The following DCDC2C variants were observed in gnomAD, a reference collection of about 807,000 sequenced individuals.
DCDC2C encodes doublecortin domain-containing protein 2C.
In DCDC2C, 44 loss-of-function variants were observed where a neutral mutation model predicts 45.0. That is an observed-to-expected ratio of 0.98 (90% CI 0.77 to 1.26). The LOEUF (loss-of-function observed/expected upper bound fraction) is 1.26, where lower values mean the gene tolerates loss of function less well. DCDC2C is among the 50% of genes most tolerant of loss of function. The probability of loss-of-function intolerance (pLI) is 0.00; values close to 1 mark genes in which losing one functional copy is unlikely to be tolerated. For missense variants in DCDC2C, 447 were observed against 468.9 expected, an observed-to-expected ratio of 0.95 and a Z score of 0.43; for synonymous variants, 187 against 178.8, an observed-to-expected ratio of 1.05 and a Z score of -0.37.
chr2:3,841,030 C>T lies in DCDC2C; in HGVS notation c.1066-6124C>T, dbSNP rs568226014. ...CTGACAAATGAAGATTTTGGCGTACCGTACGGTGGCACAATCTCTCAGTCA... is the reference window on the plus strand; with the variant it reads ...CTGACAAATGAAGATTTTGGCGTACTGTACGGTGGCACAATCTCTCAGTCA... On this transcript the variant is annotated intron_variant, in intron 10 of 10. Coordinates refer to ENST00000399143, the MANE Select transcript of DCDC2C (RefSeq NM_001287444.2). Among the ~76,000 whole-genome samples, 9 of 152,298 alleles carry T rather than the reference C, an allele frequency of 5.9e-5. No homozygotes were observed. In the South Asian group the frequency reaches 1.0e-3, roughly 18 times the overall value.
In DCDC2C at chr2:3,703,979, C is replaced by G. The variant is rs944388330; in HGVS notation, c.228C>G (p.Asp76Glu). The change falls in exon 1 of 11, where the codon GAC (aspartate) becomes GAG (glutamate). Residue 76 changes from aspartate (D) to glutamate (E), a missense_variant. Asp to Glu is a conservative substitution (Grantham distance 45). Transcript: ENST00000399143. The surrounding 1 kb of genome is among the most constrained non-coding windows in gnomAD (Gnocchi z 4.4). ...GTGGGCACCGGGTGCTGGGGCTGGACGCGCTGCAGGCGGGCGGCAAGTACG... is the reference window on the plus strand; with the variant it reads ...GTGGGCACCGGGTGCTGGGGCTGGAGGCGCTGCAGGCGGGCGGCAAGTACG... Reference protein sequence around the residue: ...PTRGHRVLGLDALQAGGKYVA... With the variant: ...PTRGHRVLGLEALQAGGKYVA... 1 of 1,301,898 alleles carries G rather than the reference C, an allele frequency of 7.7e-7. No individual in the cohort carries two copies. Among genetic ancestry groups the G allele is most frequent in the Middle Eastern group, 2.9e-4 (1 of 3,420 alleles). The allele number at this position is 1,301,898 out of a possible 1,614,324, so 80.6% of individuals were successfully genotyped here.
intron 10 of DCDC2C, among the ~76,000 whole-genome samples, chr2:3,835,148 C>T (rs1473315855): frequency 6.6e-6 from 1 of 152,176 alleles, no homozygotes; most frequent in Non-Finnish European, 1.5e-5. Flanking sequence ...TCTGTGACAC[C>T]AGCCACTCTA....
chr2:3,736,052 C>T (rs1021954901), intron 3 of DCDC2C, among the ~76,000 whole-genome samples: 10 of 152,120 alleles, frequency 6.6e-5, no homozygotes, highest in African/African-American at 2.4e-4. Context: ...AGTTTCTTAT[C>T]CACAAAGGTG....
intron 3 of DCDC2C, among the ~76,000 whole-genome samples, chr2:3,728,444 C>G (rs181462325): frequency 6.6e-6 from 1 of 152,224 alleles, no homozygotes; most frequent in South Asian, 2.1e-4. Context: ...CCTCAGGGAA[C>G]GTCGTTGGTT....
At chr2:3,705,291 C>G (rs1318708928) in intron 1 of DCDC2C, among the ~76,000 whole-genome samples, 5 of 152,194 alleles carry the variant, frequency 3.3e-5, no homozygotes, top group Admixed American at 1.3e-4. Flanking sequence ...GAGGTAGAAT[C>G]TGGATTAGCA....
chr2:3,705,839 C>CT (rs952551861), intron 1 of DCDC2C, among the ~76,000 whole-genome samples: 30 of 152,084 alleles, frequency 2.0e-4, no homozygotes, highest in African/African-American at 7.2e-4. Context: ...GTTTATTTTA[C>CT]TTTTTGGGAG....
At chr2:3,754,324 G>A (rs1433650212) in intron 5 of DCDC2C, among the ~76,000 whole-genome samples, 3 of 152,224 alleles carry the variant, frequency 2.0e-5, no homozygotes, top group Non-Finnish European at 2.9e-5. Context: ...GCCTGCACTT[G>A]CAAAGGCAGC....
At chr2:3,738,751 T>A (rs532030571) in intron 3 of DCDC2C, among the ~76,000 whole-genome samples, 13 of 152,266 alleles carry the variant, frequency 8.5e-5, no homozygotes, top group South Asian at 2.1e-4. Flanking sequence ...TTGTATATGG[T>A]TTTTTATCAG....
intron 6 of DCDC2C, among the ~76,000 whole-genome samples, chr2:3,765,084 C>G (rs1230920244): frequency 6.6e-6 from 1 of 152,134 alleles, no homozygotes; most frequent in Non-Finnish European, 1.5e-5. Flanking sequence ...ATGTAAGAAA[C>G]CTCCCAAATA....
chr2:3,762,604 G>T (rs981214763), intron 6 of DCDC2C, among the ~76,000 whole-genome samples: 16 of 152,068 alleles, frequency 1.1e-4, no homozygotes, highest in African/African-American at 3.4e-4. Flanking sequence ...GGGGAGCAGG[G>T]GAGGTACCAC....
At chr2:3,806,020 G>A (rs1378161908) in intron 10 of DCDC2C, among the ~76,000 whole-genome samples, 2 of 151,696 alleles carry the variant, frequency 1.3e-5, no homozygotes, top group African/African-American at 2.4e-5. Flanking sequence ...TTGTTTTGTA[G>A]GGATTAGGTC....
At chr2:3,752,481 A>T in intron 4 of DCDC2C, 1 of 422,906 alleles carries the variant, frequency 2.4e-6, no homozygotes, top group Non-Finnish European at 4.4e-6. Context: ...TTAATTGAAC[A>T]CTAACCAAGA....
intron 10 of DCDC2C, among the ~76,000 whole-genome samples, chr2:3,785,508 T>G (rs1448515123): frequency 2.6e-5 from 4 of 152,046 alleles, no homozygotes; most frequent in African/African-American, 4.8e-5. Flanking sequence ...ACGCCAGCCA[T>G]GAAGCTAAGG....
At chr2:3,728,112 C>T (rs542990069) in intron 3 of DCDC2C, among the ~76,000 whole-genome samples, 38 of 152,224 alleles carry the variant, frequency 2.5e-4, no homozygotes, top group African/African-American at 9.1e-4. Flanking sequence ...TCACCTCTAC[C>T]ACGTCCCCTC....
intron 3 of DCDC2C, among the ~76,000 whole-genome samples, chr2:3,741,180 T>G (rs1669195020): frequency 6.6e-6 from 1 of 152,186 alleles, no homozygotes; most frequent in Non-Finnish European, 1.5e-5. Flanking sequence ...AAGATTATAT[T>G]GAAGTTGCCT....
At chr2:3,766,310 G>GCATACACACACACACA (rs775538945) in intron 6 of DCDC2C, among the ~76,000 whole-genome samples, 4 of 146,070 alleles carry the variant, frequency 2.7e-5, no homozygotes, top group African/African-American at 1.0e-4. Flanking sequence ...ACACACACAC[G>GCATACACACACACACA]CACACACACA....
chr2:3,804,682 G>C (rs2148206417), intron 10 of DCDC2C, among the ~76,000 whole-genome samples: 2 of 152,310 alleles, frequency 1.3e-5, no homozygotes, highest in African/African-American at 4.8e-5. Context: ...TTGAATGCAT[G>C]CATGATGCAT....
At chr2:3,805,994 C>T (rs542050934) in intron 10 of DCDC2C, among the ~76,000 whole-genome samples, 15 of 152,232 alleles carry the variant, frequency 9.9e-5, no homozygotes, top group African/African-American at 3.1e-4. Flanking sequence ...CCATGCCTGG[C>T]GAATTTTTTG....
chr2:3,726,005 G>A (rs1668671372), intron 2 of DCDC2C: 1 of 155,728 alleles, frequency 6.4e-6, no homozygotes. Flanking sequence ...AGGATCCCTT[G>A]AGTGGATGTC....
Sources: allele counts gnomAD v4.1 joint callset (sites outside exome capture counted in the v4.1 genomes callset), GRCh38; gene constraint gnomAD v4.1.1; non-coding constraint Gnocchi (gnomAD v3.1); transcripts MANE v1.5; gene names NCBI Gene and HGNC (gene_info 2026-07-23, HGNC 2026-07-21).